ZDHHC20: variants seen among roughly 807,000 people sequenced by gnomAD.
ZDHHC20 encodes zDHHC palmitoyltransferase 20.
A neutral mutation model predicts 57.8 loss-of-function variants in ZDHHC20; 43 were observed. That is an observed-to-expected ratio of 0.74 (90% CI 0.58 to 0.96). ZDHHC20 has a LOEUF of 0.96. ZDHHC20 is among the 40% of genes least tolerant of loss of function. The probability of loss-of-function intolerance (pLI) is 0.00; values close to 1 mark genes in which losing one functional copy is unlikely to be tolerated. For synonymous variants in ZDHHC20, 157 were observed against 153.0 expected, an observed-to-expected ratio of 1.03 and a Z score of -0.19; for missense variants, 391 against 441.1, an observed-to-expected ratio of 0.89 and a Z score of 1.02.
At chr13:21,397,627 C>T (rs1311579742) in intron 7 of ZDHHC20, among the ~76,000 whole-genome samples, 1 of 152,042 alleles carries the variant, frequency 6.6e-6, no homozygotes, top group East Asian at 1.9e-4. Flanking sequence ...CACCACTGCA[C>T]TCCAGCCTGG....
chr13:21,421,270 A>G (rs1393217203), intron 2 of ZDHHC20, 106 bp from the exon 3 acceptor site: 11 of 779,488 alleles, frequency 1.4e-5, no homozygotes, highest in Non-Finnish European at 1.5e-5. Context: ...CCAATAAACA[A>G]TTAAATTAAA....
intron 12 of ZDHHC20, among the ~76,000 whole-genome samples, chr13:21,378,410 TC>T (rs1293611314): frequency 6.6e-6 from 1 of 152,178 alleles, no homozygotes; most frequent in Non-Finnish European, 1.5e-5. Flanking sequence ...AGGCCAGTGG[TC>T]CACATACTAG....
intron 1 of ZDHHC20, among the ~76,000 whole-genome samples, chr13:21,457,507 G>A (rs1383523832): frequency 6.6e-6 from 1 of 152,050 alleles, no homozygotes; most frequent in African/African-American, 2.4e-5. Flanking sequence ...ATCATTTTTA[G>A]TAAACATTCT....
chr13:21,426,986 A>G (rs2137933754), intron 1 of ZDHHC20, among the ~76,000 whole-genome samples: 1 of 152,178 alleles, frequency 6.6e-6, no homozygotes, highest in South Asian at 2.1e-4. Context: ...AAATGCATCA[A>G]GCTGTTTCAT....
intron 1 of ZDHHC20, among the ~76,000 whole-genome samples, chr13:21,443,949 C>A (rs1038983654): frequency 5.9e-5 from 9 of 152,066 alleles, no homozygotes; most frequent in African/African-American, 1.9e-4. Context: ...GACCACCTGA[C>A]GTCAGGAGTC....
At chr13:21,451,198 G>T (rs994021179) in intron 1 of ZDHHC20, among the ~76,000 whole-genome samples, 2 of 152,148 alleles carry the variant, frequency 1.3e-5, no homozygotes, top group African/African-American at 4.8e-5. Flanking sequence ...CCAAAACAAA[G>T]ACTGTATGTA....
chr13:21,405,716 A>C (rs1376417876), intron 4 of ZDHHC20, among the ~76,000 whole-genome samples: 8 of 152,184 alleles, frequency 5.3e-5, no homozygotes, highest in Non-Finnish European at 1.0e-4. Context: ...CCTCTCCTCC[A>C]CTATCGCTTA....
At chr13:21,439,898 C>T (rs1882945239) in intron 1 of ZDHHC20, among the ~76,000 whole-genome samples, 1 of 151,614 alleles carries the variant, frequency 6.6e-6, no homozygotes, top group South Asian at 2.1e-4. Flanking sequence ...GAAACCCCAT[C>T]TCTACTAAAA....
chr13:21,451,508 T>G (rs182068993), intron 1 of ZDHHC20, among the ~76,000 whole-genome samples: 63 of 152,326 alleles, frequency 4.1e-4, no homozygotes, highest in Admixed American at 9.8e-4. Context: ...ATTTATATTC[T>G]AATTCAATGT....
intron 11 of ZDHHC20, among the ~76,000 whole-genome samples, chr13:21,380,133 C>T (rs1227416301): frequency 7.7e-6 from 1 of 130,462 alleles, no homozygotes; most frequent in African/African-American, 2.9e-5. Context: ...CTTTCTTCCC[C>T]GAGATGGAGT....
intron 3 of ZDHHC20, among the ~76,000 whole-genome samples, chr13:21,419,417 A>G (rs1880390743): frequency 6.6e-6 from 1 of 152,270 alleles, no homozygotes; most frequent in South Asian, 2.1e-4. Context: ...GAATGTTTAT[A>G]GCAGCCCTAT....
At chr13:21,410,630 G>T (rs1252118105) in intron 4 of ZDHHC20, among the ~76,000 whole-genome samples, 1 of 152,206 alleles carries the variant, frequency 6.6e-6, no homozygotes, top group East Asian at 1.9e-4. Context: ...CTGCCCAGTG[G>T]GAACTTCCTG....
intron 10 of ZDHHC20, chr13:21,381,862 G>A (rs1873482882): frequency 7.0e-6 from 4 of 572,158 alleles, no homozygotes; most frequent in Non-Finnish European, 1.0e-5. Context: ...TACAAGGACA[G>A]GTGAGGATCT....
intron 1 of ZDHHC20, among the ~76,000 whole-genome samples, chr13:21,449,137 T>C (rs1282860350): frequency 6.9e-6 from 1 of 144,592 alleles, no homozygotes; most frequent in Non-Finnish European, 1.5e-5. Context: ...CACTTGTTTA[T>C]CTGCTGACCT....
At chr13:21,458,239 A>C (rs1180056606) in intron 1 of ZDHHC20, among the ~76,000 whole-genome samples, 1 of 152,240 alleles carries the variant, frequency 6.6e-6, no homozygotes, top group Non-Finnish European at 1.5e-5. Flanking sequence ...AGTATACTGC[A>C]ATGCTACTCC....
intron 1 of ZDHHC20, among the ~76,000 whole-genome samples, chr13:21,433,414 G>GATCA (rs1882209059): frequency 6.6e-6 from 1 of 151,910 alleles, no homozygotes; most frequent in Admixed American, 6.5e-5. Flanking sequence ...TCAGGAGATC[G>GATCA]AGACCATCCT....
chr13:21,454,522 A>G (rs953669005), intron 1 of ZDHHC20, among the ~76,000 whole-genome samples: 19 of 152,196 alleles, frequency 1.2e-4, no homozygotes, highest in African/African-American at 4.3e-4. Context: ...TTATAGGACT[A>G]CCTACCTAAG....
intron 4 of ZDHHC20, among the ~76,000 whole-genome samples, chr13:21,413,281 G>C (rs1280651689): frequency 1.3e-5 from 2 of 151,664 alleles, no homozygotes; most frequent in African/African-American, 4.8e-5. Context: ...CCCATTCTTA[G>C]CACACTTTTG....
At chr13:21,386,453 T>C (rs112782785) in intron 9 of ZDHHC20, among the ~76,000 whole-genome samples, 11 of 152,166 alleles carry the variant, frequency 7.2e-5, no homozygotes, top group Non-Finnish European at 1.2e-4. Flanking sequence ...AAAGTAGCCA[T>C]AGAAAAAACA....
Sources: allele counts gnomAD v4.1 joint callset (sites outside exome capture counted in the v4.1 genomes callset), GRCh38; gene constraint gnomAD v4.1.1; transcripts MANE v1.5; gene names NCBI Gene and HGNC (gene_info 2026-07-23, HGNC 2026-07-21).